MET: variants seen among roughly 807,000 people sequenced by gnomAD.
MET encodes the protein hepatocyte growth factor receptor.
In MET, 48 loss-of-function variants were observed where a neutral mutation model predicts 133.1. That is an observed-to-expected ratio of 0.36 (90% CI 0.29 to 0.46). The LOEUF (loss-of-function observed/expected upper bound fraction) is 0.46, where lower values mean the gene tolerates loss of function less well. Ranked by LOEUF, MET falls within the 20% of genes least tolerant of loss-of-function variation. The pLI is 1.00. For synonymous variants in MET, 628 were observed against 616.5 expected (o/e 1.02, Z -0.28); for missense variants, 1,442 against 1,695.9 (o/e 0.85, Z 2.63).
At chr7:116,716,339 A>AG (rs1562893020) in intron 2 of MET, among the ~76,000 whole-genome samples, 1 of 105,230 alleles carries the variant, frequency 9.5e-6, no homozygotes, top group Non-Finnish European at 2.1e-5. Flanking sequence ...GAGAGAGAGA[A>AG]AAGAAACGGA....
intron 5 of MET, among the ~76,000 whole-genome samples, chr7:116,747,971 T>C (rs1273535888): frequency 2.0e-5 from 3 of 152,158 alleles, no homozygotes; most frequent in Admixed American, 1.3e-4. Flanking sequence ...TAAGGCCGGG[T>C]GCAGTGGCTT....
At chr7:116,745,095 T>A (rs927158129) in intron 5 of MET, among the ~76,000 whole-genome samples, 1 of 152,032 alleles carries the variant, frequency 6.6e-6, no homozygotes, top group African/African-American at 2.4e-5. Flanking sequence ...AGGATACAAA[T>A]TCAATGTGCA....
chr7:116,747,520 A>C lies in MET; in HGVS notation c.1701+6495A>C, dbSNP rs566744493. 8.5e-5 allele frequency among the ~76,000 whole-genome samples: 13 copies of C among 152,356 alleles called. No homozygotes were observed. The South Asian group carries it at 1.4e-3, about 17-fold the overall frequency. ...ACTTCAAACCAACAAAGATCAAAAA[A>C]GACAAAGAAGGGCATTACATAATGG... On this transcript the variant is annotated intron_variant, in intron 5 of 20. Coordinates refer to ENST00000397752, the MANE Select transcript of MET (RefSeq NM_000245.4).
Position 116,758,560 on chromosome 7 carries a change from T to C in MET, c.2204T>C (p.Ile735Thr). ...GACTTAGCCAACCGAGAGACAAGCA[T>C]CTTCAGTTACCGTGAAGATCCCATT... ...KIDLANRETS[I>T]FSYREDPIVY... is the part of the protein sequence containing the mutation. The change falls in exon 9 of 21, where the codon ATC (isoleucine) becomes ACC (threonine). Residue 735 changes from isoleucine (I) to threonine (T), a missense_variant. Physicochemically the swap from Ile to Thr is moderately conservative, Grantham distance 89. This residue lies in a region of MET where 514 missense variants were observed against 659.6 expected (regional missense o/e 0.78). Coordinates refer to ENST00000397752, the MANE Select transcript of MET (RefSeq NM_000245.4). 5 of 1,613,878 alleles carry C rather than the reference T, an allele frequency of 3.1e-6. No homozygotes were observed. The highest frequency in any genetic ancestry group is 4.2e-6 in the Non-Finnish European group (5 of 1,179,884).
intron 5 of MET, among the ~76,000 whole-genome samples, chr7:116,744,077 A>G (rs897751212): frequency 1.3e-5 from 2 of 152,254 alleles, no homozygotes; most frequent in Non-Finnish European, 2.9e-5. Flanking sequence ...CATGAAGATG[A>G]GGAAAAACCA....
At chr7:116,735,132 A>G (rs529152273) in intron 3 of MET, among the ~76,000 whole-genome samples, 1 of 152,262 alleles carries the variant, frequency 6.6e-6, no homozygotes, top group South Asian at 2.1e-4. Context: ...TGTGCACTAC[A>G]CTGTGCCTGC....
At chr7:116,723,084 C>G (rs1792566256) in intron 2 of MET, among the ~76,000 whole-genome samples, 2 of 138,820 alleles carry the variant, frequency 1.4e-5, no homozygotes, top group South Asian at 5.2e-4. Flanking sequence ...TGTTTTCCAA[C>G]TTGGTTCCAT....
intron 10 of MET, among the ~76,000 whole-genome samples, chr7:116,760,956 A>G (rs1794379876): frequency 6.6e-6 from 1 of 152,162 alleles, no homozygotes; most frequent in Admixed American, 6.5e-5. Flanking sequence ...TCATTAACCA[A>G]ATAAGAATAA....
chr7:116,766,651 G>A (rs910706547), intron 11 of MET, among the ~76,000 whole-genome samples: 14 of 152,186 alleles, frequency 9.2e-5, no homozygotes, highest in African/African-American at 2.9e-4. Flanking sequence ...GCCCAGTGTC[G>A]AAACCTGTTC....
Position 116,700,386 on chromosome 7 carries a change from T to C in MET, c.1200+102T>C, listed in dbSNP as rs1262373900. Reference sequence around the variant, plus strand: ...CAGGGCTTCTTTTGTGCTTTGTAAATGGTGTTTATCCAAAATAGTTGCAGA... The same window carrying C: ...CAGGGCTTCTTTTGTGCTTTGTAAACGGTGTTTATCCAAAATAGTTGCAGA... On this transcript the variant is annotated intron_variant, in intron 2 of 20. Coordinates refer to ENST00000397752, the MANE Select transcript of MET (RefSeq NM_000245.4). The C allele has an allele frequency of 1.5e-4, 202 of 1,359,102 alleles. 1 individual carries two copies. The South Asian group carries it at 1.8e-3, about 12-fold the overall frequency. The allele number at this position is 1,359,102 out of a possible 1,614,324, so 84.2% of individuals were successfully genotyped here. A position where few individuals can be genotyped will look rare whatever the true frequency, so the allele number is the denominator to read the frequency against.
chr7:116,780,272 T>G (rs1795117987), intron 17 of MET, among the ~76,000 whole-genome samples: 1 of 152,004 alleles, frequency 6.6e-6, no homozygotes, highest in African/African-American at 2.4e-5. Flanking sequence ...TCCGTCTCGG[T>G]TCCTGCTCTC....
intron 19 of MET, among the ~76,000 whole-genome samples, chr7:116,790,676 G>A (rs1245495020): frequency 6.6e-6 from 1 of 151,606 alleles, no homozygotes; most frequent in African/African-American, 2.4e-5. Context: ...CAAATTTTTG[G>A]GGACCTCTCT....
intron 10 of MET, among the ~76,000 whole-genome samples, chr7:116,762,292 G>A (rs78483586): frequency 0.024 from 3,608 of 152,204 alleles, 55 homozygotes; most frequent in Non-Finnish European, 0.035. Flanking sequence ...ATTTATATTC[G>A]CTATTCTGCC....
intron 9 of MET, 35 bp downstream of exon 9, chr7:116,758,655 A>G (rs2116933333): frequency 2.5e-6 from 4 of 1,597,094 alleles, no homozygotes; most frequent in South Asian, 1.1e-5. Flanking sequence ...TAAGAAAACA[A>G]TGAATACAAG....
At position 116,768,261 on chromosome 7, in the gene MET, G is replaced by A. The variant is rs921669580; in HGVS notation, c.2584-1384G>A. ...CCTTAGTTATTATCTAAGCAAGCAA[G>A]ACACATTTTAGACCTTTTCTCATAA... is the stretch of plus-strand genomic sequence containing the variant. On this transcript the variant is annotated intron_variant, in intron 11 of 20. Transcript: ENST00000397752. 5.9e-5 allele frequency among the ~76,000 whole-genome samples: 9 copies of A among 152,084 alleles called. No homozygotes were observed. In the South Asian group the frequency reaches 1.0e-3, roughly 18 times the overall value.
At chr7:116,678,638 G>A (rs1796243118) in intron 1 of MET, among the ~76,000 whole-genome samples, 2 of 152,142 alleles carry the variant, frequency 1.3e-5, no homozygotes, top group African/African-American at 4.8e-5. Flanking sequence ...AATCATGTGG[G>A]AAAGGAAAAC....
intron 2 of MET, among the ~76,000 whole-genome samples, chr7:116,717,644 T>C (rs543088074): frequency 2.0e-4 from 30 of 152,360 alleles, no homozygotes; most frequent in African/African-American, 7.0e-4. Context: ...AGAAAGGTGA[T>C]ACAAGTGAAC....
At chr7:116,677,003 T>TTG (rs1796184353) in intron 1 of MET, among the ~76,000 whole-genome samples, 1 of 151,860 alleles carries the variant, frequency 6.6e-6, no homozygotes, top group Non-Finnish European at 1.5e-5. Context: ...TTTTTTTGTT[T>TTG]TTTTGTTTTG....
intron 19 of MET, among the ~76,000 whole-genome samples, chr7:116,790,815 G>A (rs1289109150): frequency 1.3e-5 from 2 of 152,134 alleles, no homozygotes; most frequent in South Asian, 4.1e-4. Context: ...GGTGGCTCAC[G>A]CCTGTAATCC....
Sources: gnomAD v4.1 joint callset for allele counts (sites outside exome capture counted in the v4.1 genomes callset) on GRCh38, gnomAD v4.1.1 for gene constraint, gnomAD v4.1.1 regional missense constraint, MANE v1.5 for transcripts, NCBI Gene and HGNC (gene_info 2026-07-23, HGNC 2026-07-21) for gene names.